The following CDK12 variants were observed in gnomAD, a reference collection of about 807,000 sequenced individuals.
CDK12 encodes the protein cyclin dependent kinase 12, also known as cyclin-dependent kinase 12.
Under a neutral mutation model 133.8 loss-of-function variants are expected in CDK12, and 17 were observed. That is an observed-to-expected ratio of 0.13 (90% CI 0.09 to 0.19). The LOEUF is 0.19. CDK12 is among the 10% of genes least tolerant of loss of function. The pLI, the probability that CDK12 is intolerant of heterozygous loss-of-function variation, is 1.00. For synonymous variants in CDK12, 694 were observed against 683.6 expected, an observed-to-expected ratio of 1.02 and a Z score of -0.24; for missense variants, 1,508 against 1,818.7, an observed-to-expected ratio of 0.83 and a Z score of 3.11.
chr17:39,561,982 CAGGCTG>C (rs2144610219), intron 3 of CDK12, among the ~76,000 whole-genome samples: 1 of 152,280 alleles, frequency 6.6e-6, no homozygotes, highest in East Asian at 1.9e-4. Context: ...CCCTGTCACC[CAGGCTG>C]GAGTGCAGTG....
intron 3 of CDK12, among the ~76,000 whole-genome samples, chr17:39,559,322 C>T (rs1003800288): frequency 2.0e-5 from 3 of 152,118 alleles, no homozygotes; most frequent in African/African-American, 7.2e-5. Context: ...CAGTCATATC[C>T]AGATTTCTCT....
At chr17:39,494,916 C>A (rs934919894) in intron 5 of CDK12, among the ~76,000 whole-genome samples, 1 of 151,786 alleles carries the variant, frequency 6.6e-6, no homozygotes, top group Non-Finnish European at 1.5e-5. Context: ...ACTACAGGCG[C>A]CCGCCACCAC....
In CDK12 at chr17:39,501,418, C is replaced by G. The variant is rs2052710017; in HGVS notation, c.2588C>G (p.Ser863Cys). 1 of 1,610,674 alleles carries G rather than the reference C, an allele frequency of 6.2e-7. No homozygotes were observed. Residue 863 changes from serine to cysteine, a missense_variant, in exon 6 of 14, where the codon TCT becomes TGT. Ser to Cys is a moderately radical substitution (Grantham distance 112, BLOSUM62 -1). This residue lies in a region of CDK12 where 82 missense variants were observed against 201.5 expected (regional missense o/e 0.41). Transcript: ENST00000447079. ...KNFLHRDIKCSNILLNNSGQI... is the reference protein window; with the variant it reads ...KNFLHRDIKCCNILLNNSGQI... Reference sequence around the variant, plus strand: ...TTCCTGCATCGGGATATTAAGTGTTCTAACATTTTGCTGAATAACAGGTAA... The same window carrying G: ...TTCCTGCATCGGGATATTAAGTGTTGTAACATTTTGCTGAATAACAGGTAA...
chr17:39,502,311 C>A (rs2052777736), intron 6 of CDK12, among the ~76,000 whole-genome samples: 1 of 151,934 alleles, frequency 6.6e-6, no homozygotes, highest in Admixed American at 6.6e-5. Flanking sequence ...CGCCACCACG[C>A]CCAGCTAATT....
intron 1 of CDK12, among the ~76,000 whole-genome samples, chr17:39,463,383 G>C (rs1479755499): frequency 6.6e-6 from 1 of 152,120 alleles, no homozygotes; most frequent in Non-Finnish European, 1.5e-5. Flanking sequence ...AACGTCAAAG[G>C]CTTCTGCTTA....
chr17:39,481,317 TTTC>T (rs2050629093), intron 2 of CDK12, among the ~76,000 whole-genome samples: 1 of 151,366 alleles, frequency 6.6e-6, no homozygotes, highest in Non-Finnish European at 1.5e-5. Flanking sequence ...AAAGTCTTCT[TTTC>T]TTCTTTCTCT....
intron 3 of CDK12, among the ~76,000 whole-genome samples, chr17:39,491,314 C>T (rs913585590): frequency 5.3e-5 from 8 of 151,968 alleles, no homozygotes; most frequent in Non-Finnish European, 7.4e-5. Flanking sequence ...CTCTGCTTAC[C>T]GCAACCTCGG....
Position 39,530,829 on chromosome 17 carries a change from C to G in CDK12, c.3986C>G (p.Ser1329Cys), listed in dbSNP as rs2146835124. Residue 1329 changes from serine (S) to cysteine (C), a missense_variant, in exon 14 of 14, where the codon TCC becomes TGC. By Grantham distance (112) the Ser-to-Cys change is moderately radical (BLOSUM62 -1). Around this residue, in one of 9 missense-constraint regions of CDK12, gnomAD observed 399 missense variants for 469.6 expected, o/e 0.85. Coordinates refer to ENST00000447079, the MANE Select transcript of CDK12 (RefSeq NM_016507.4). The part of the protein sequence containing the change: ...EHQALRPMEY[S>C]TRPRPNRTYG... ...CAGGCCTTGAGACCAATGGAGTACT[C>G]CACCCGACCCCGTCCAAACAGGACT... The G allele has an allele frequency of 6.2e-7, 1 of 1,614,196 alleles. No homozygotes were observed. The highest frequency in any genetic ancestry group is 8.5e-7 in the Non-Finnish European group (1 of 1,180,032).
intron 1 of CDK12, among the ~76,000 whole-genome samples, chr17:39,542,285 C>G (rs1202858247): frequency 6.6e-6 from 1 of 150,598 alleles, no homozygotes; most frequent in Non-Finnish European, 1.5e-5. Flanking sequence ...CTTCTGGGTT[C>G]AAGCGATTCT....
intron 2 of CDK12, among the ~76,000 whole-genome samples, chr17:39,488,206 C>A (rs1328919052): frequency 6.6e-6 from 1 of 151,558 alleles, no homozygotes; most frequent in Non-Finnish European, 1.5e-5. Flanking sequence ...TGCATTCCAG[C>A]CTGGGCAACA....
intron 2 of CDK12, among the ~76,000 whole-genome samples, chr17:39,472,507 C>T (rs12947600): frequency 0.63 from 95,712 of 151,348 alleles, 32,925 homozygotes; most frequent in South Asian, 0.89. Flanking sequence ...ACCCCCATCT[C>T]TACTAAAGAT....
Position 39,470,996 on chromosome 17 carries a change from G to A in CDK12, c.1164G>A (p.Arg388=), listed in dbSNP as rs2145187640. ...RSRHSSISPV[R]LPLNSSLGAE... ...GTCATTCCAGTATCTCACCTGTCAG[G>A]CTTCCACTTAATTCCAGTCTGGGAG... The change falls in exon 2 of 14, where the codon AGG becomes AGA. Residue 388 remains arginine (R), a synonymous_variant. Coordinates refer to ENST00000447079, the MANE Select transcript of CDK12 (RefSeq NM_016507.4). 1 of 1,614,130 alleles carries A rather than the reference G, an allele frequency of 6.2e-7. No homozygotes were observed. Among genetic ancestry groups the A allele is most frequent in the East Asian group, 2.2e-5 (1 of 44,876 alleles).
At chr17:39,504,327 A>C (rs1411533939) in intron 6 of CDK12, among the ~76,000 whole-genome samples, 3 of 152,158 alleles carry the variant, frequency 2.0e-5, no homozygotes, top group Non-Finnish European at 2.9e-5. Context: ...AGATGTCAGA[A>C]ATGTAACCCA....
chr17:39,493,049 G>A (rs1302473949), intron 4 of CDK12, among the ~76,000 whole-genome samples, 159 bp downstream of exon 4: 2 of 152,060 alleles, frequency 1.3e-5, no homozygotes, highest in African/African-American at 4.8e-5. Flanking sequence ...CTGGAGTGCA[G>A]TGGTGCAGTC....
At chr17:39,485,753 A>C (rs1412141836) in intron 2 of CDK12, among the ~76,000 whole-genome samples, 3 of 149,938 alleles carry the variant, frequency 2.0e-5, no homozygotes, top group Non-Finnish European at 4.4e-5. Context: ...GGTGGTATGC[A>C]CCTGTAGTCT....
chr17:39,551,381 C>T (rs771907564), intron 2 of CDK12, among the ~76,000 whole-genome samples: 1 of 152,108 alleles, frequency 6.6e-6, no homozygotes, highest in Non-Finnish European at 1.5e-5. Context: ...CCCCTGACCC[C>T]TATGGAATTT....
chr17:39,485,562 G>A (rs1039165913), intron 2 of CDK12, among the ~76,000 whole-genome samples: 1 of 151,728 alleles, frequency 6.6e-6, no homozygotes, highest in African/African-American at 2.4e-5. Context: ...ACAGGCGGGT[G>A]CCACCACGCC....
Position 39,517,455 on chromosome 17 carries a change from C to T in CDK12, c.2862C>T (p.Ser954=), listed in dbSNP as rs769639584. 7 of 1,610,828 alleles carry T rather than the reference C, an allele frequency of 4.3e-6. No individual in the cohort carries two copies. The highest frequency in any genetic ancestry group is 1.1e-5 in the South Asian group (1 of 90,890). ...TTGTTTTCAGCCGACTTTGTGGTAG[C>T]CCTTGTCCAGCTGTGTGGCCTGATG... The part of the protein sequence containing the change: ...QLELISRLCG[S]PCPAVWPDVI... The change falls in exon 10 of 14, where the codon AGC becomes AGT. Residue 954 remains serine (S), a synonymous_variant. Transcript: ENST00000447079.
At chr17:39,510,891 G>T (rs1344608794) in intron 7 of CDK12, among the ~76,000 whole-genome samples, 1 of 147,412 alleles carries the variant, frequency 6.8e-6, no homozygotes, top group African/African-American at 2.5e-5. Context: ...GGGATTACGG[G>T]CGTGAGCCAC....
Sources: gnomAD v4.1 joint callset for allele counts (sites outside exome capture counted in the v4.1 genomes callset) on GRCh38, gnomAD v4.1.1 for gene constraint, gnomAD v4.1.1 regional missense constraint, MANE v1.5 for transcripts, NCBI Gene and HGNC (gene_info 2026-07-23, HGNC 2026-07-21) for gene names.